The following CHIC2 variants were observed in gnomAD, a reference collection of about 807,000 sequenced individuals.
CHIC2 encodes the protein cysteine rich hydrophobic domain 2.
A neutral mutation model predicts 25.9 loss-of-function variants in CHIC2; 14 were observed. The ratio of observed to expected loss-of-function variants is 0.54; its 90% CI spans 0.36 to 0.85. CHIC2 has a LOEUF of 0.85. CHIC2 is among the 40% of genes least tolerant of loss of function. The pLI, the probability that CHIC2 is intolerant of heterozygous loss-of-function variation, is 0.01. For missense variants in CHIC2, 146 were observed against 202.0 expected (o/e 0.72, Z 1.68); for synonymous variants, 70 against 72.0 (o/e 0.97, Z 0.14).
chr4:54,067,369 G>A (rs2110099502), upstream of CHIC2, among the ~76,000 whole-genome samples: 1 of 152,122 alleles, frequency 6.6e-6, no homozygotes, highest in African/African-American at 2.4e-5. Context: ...GCCAGCAAAA[G>A]GGTGTGGGAC....
Position 54,064,557 on chromosome 4 carries a change from A to C in CHIC2, c.-257T>G. ...TCCGCCCAGAGGCCGACACCTCCAC[A>C]AGCACAGACGCCGCTGCCGCCGCCG... On this transcript the variant is annotated 5_prime_UTR_variant, in exon 1 of 6. Transcript: ENST00000263921. This position sits in a 1 kb window ranked among gnomAD's most constrained non-coding sequence, Gnocchi z 4.2. 2.3e-6 allele frequency: 3 copies of C among 1,300,838 alleles called. No homozygotes were observed. The highest frequency in any genetic ancestry group is 3.5e-5 in the East Asian group (1 of 28,232). 80.6% of individuals were successfully genotyped at this position (1,300,838 alleles called of 1,614,324 possible). A position where few individuals can be genotyped will look rare whatever the true frequency, so the allele number is the denominator to read the frequency against.
chr4:54,084,242 G>A, the CHIC2 span, among the ~76,000 whole-genome samples: 1 of 152,112 alleles, frequency 6.6e-6, no homozygotes, highest in East Asian at 1.9e-4. Flanking sequence ...GTAAATAATG[G>A]TGAATTAAAC....
chr4:54,034,124 G>A (rs190348079), intron 3 of CHIC2, among the ~76,000 whole-genome samples: 1,746 of 151,892 alleles, frequency 0.011, 16 homozygotes, highest in Non-Finnish European at 0.019. Flanking sequence ...GTATTTCCTC[G>A]CCAGACGCGG....
chr4:54,072,945 G>A, the CHIC2 span, among the ~76,000 whole-genome samples: 4 of 152,186 alleles, frequency 2.6e-5, no homozygotes, highest in South Asian at 2.1e-4. Context: ...GGTGGCGGGC[G>A]CCTATAGTCC....
chr4:54,063,476 C>T (rs976627596), intron 1 of CHIC2, among the ~76,000 whole-genome samples: 1 of 152,216 alleles, frequency 6.6e-6, no homozygotes, highest in Non-Finnish European at 1.5e-5. Flanking sequence ...ACTAGTGGGA[C>T]TTTCCAAATT....
the CHIC2 span, chr4:54,076,972 T>TTG: frequency 2.6e-5 from 4 of 151,834 alleles, no homozygotes; most frequent in African/African-American, 9.7e-5. Context: ...AATAAACAAT[T>TTG]AAAAATTTAA....
chr4:54,044,891 T>C (rs952263603), intron 3 of CHIC2, among the ~76,000 whole-genome samples: 24 of 151,930 alleles, frequency 1.6e-4, no homozygotes, highest in African/African-American at 5.1e-4. Flanking sequence ...ACAAAATTGA[T>C]AGACCGCTAG....
chr4:54,027,360 T>C (rs1321234161), intron 3 of CHIC2, among the ~76,000 whole-genome samples: 1 of 152,214 alleles, frequency 6.6e-6, no homozygotes, highest in African/African-American at 2.4e-5. Context: ...AGTTTACATT[T>C]TTATGAGTAT....
chr4:54,065,073 TATG>T (rs1220012847), upstream of CHIC2, among the ~76,000 whole-genome samples: 2 of 152,270 alleles, frequency 1.3e-5, no homozygotes, highest in Admixed American at 6.5e-5. Context: ...GTTTTGAGTC[TATG>T]ATGAGAACCA....
In CHIC2 at chr4:54,048,803, A is replaced by G. The variant is rs566668760; in HGVS notation, c.330+152T>C. ...AATAACAGCACTTGGATATATAGTA[A>G]CTTTACTGACTCACTCCTCTCCTGG... On this transcript the variant is annotated intron_variant, in intron 3 of 5. Transcript: ENST00000263921. 2.1e-4 allele frequency: 119 copies of G among 576,228 alleles called. No individual in the cohort carries two copies. In the Middle Eastern group the frequency reaches 2.5e-3, roughly 12 times the overall value. The allele number at this position is 576,228 out of a possible 1,614,324, so 35.7% of individuals were successfully genotyped here.
At chr4:54,054,177 G>A (rs1292365381) in intron 1 of CHIC2, among the ~76,000 whole-genome samples, 1 of 152,188 alleles carries the variant, frequency 6.6e-6, no homozygotes, top group African/African-American at 2.4e-5. Context: ...TTTAAGATAA[G>A]TAAACAAGGA....
intron 3 of CHIC2, among the ~76,000 whole-genome samples, chr4:54,028,100 T>G (rs1374550773): frequency 4.6e-5 from 7 of 152,146 alleles, no homozygotes; most frequent in African/African-American, 1.4e-4. Context: ...GAAAAAATAC[T>G]TACAAAGAAA....
chr4:54,071,992 A>G, the CHIC2 span, among the ~76,000 whole-genome samples: 1 of 148,330 alleles, frequency 6.7e-6, no homozygotes, highest in Non-Finnish European at 1.5e-5. Context: ...TAATAATAAT[A>G]CCTATAAAGT....
At chr4:54,023,917 C>G (rs1715980859) in intron 3 of CHIC2, among the ~76,000 whole-genome samples, 1 of 152,200 alleles carries the variant, frequency 6.6e-6, no homozygotes, top group East Asian at 1.9e-4. Context: ...TTAATAAAAA[C>G]TCTTCTCAAG....
intron 3 of CHIC2, among the ~76,000 whole-genome samples, chr4:54,044,672 C>T (rs553470837): frequency 6.6e-6 from 1 of 152,130 alleles, no homozygotes; most frequent in Admixed American, 6.5e-5. Flanking sequence ...ATTTATAGCA[C>T]TAAATACCCA....
At chr4:54,088,791 G>GT in the CHIC2 span, among the ~76,000 whole-genome samples, 1 of 152,246 alleles carries the variant, frequency 6.6e-6, no homozygotes, top group African/African-American at 2.4e-5. Context: ...CCGTGCGATA[G>GT]TAGTTGGAGT....
chr4:54,032,417 C>T (rs1716258874), intron 3 of CHIC2, among the ~76,000 whole-genome samples: 1 of 151,930 alleles, frequency 6.6e-6, no homozygotes, highest in Non-Finnish European at 1.5e-5. Context: ...AGGTGCGCGC[C>T]GCCACGCCTG....
At chr4:54,011,621 C>T (rs191444109) in intron 5 of CHIC2, among the ~76,000 whole-genome samples, 1 of 152,098 alleles carries the variant, frequency 6.6e-6, no homozygotes, top group Admixed American at 6.6e-5. Flanking sequence ...TATGGGCATC[C>T]CCACACTTTA....
At chr4:54,080,184 A>G in the CHIC2 span, among the ~76,000 whole-genome samples, 290 of 149,290 alleles carry the variant, frequency 1.9e-3, 3 homozygotes, top group East Asian at 0.05. Context: ...GTGTATATAT[A>G]TGTGTATATA....
Sources: allele counts gnomAD v4.1 joint callset (sites outside exome capture counted in the v4.1 genomes callset), GRCh38; gene constraint gnomAD v4.1.1; non-coding constraint Gnocchi (gnomAD v3.1); transcripts MANE v1.5; gene names NCBI Gene and HGNC (gene_info 2026-07-23, HGNC 2026-07-21).